ERBIN: variants seen among roughly 807,000 people sequenced by gnomAD.
ERBIN encodes erbb2 interacting protein.
A neutral mutation model predicts 158.4 loss-of-function variants in ERBIN; 60 were observed. The ratio of observed to expected loss-of-function variants is 0.38; its 90% CI spans 0.31 to 0.47. ERBIN has a LOEUF of 0.47. Among genes scored for constraint, ERBIN ranks in the 20% least tolerant of loss-of-function variants. The pLI, the probability that ERBIN is intolerant of heterozygous loss-of-function variation, is 0.99. For missense variants in ERBIN, 1,610 were observed against 1,648.0 expected (o/e 0.98, Z 0.40); for synonymous variants, 594 against 557.2 (o/e 1.07, Z -0.93).
intron 7 of ERBIN, among the ~76,000 whole-genome samples, chr5:66,015,818 AGAGT>A (rs1754656148): frequency 6.6e-6 from 1 of 152,196 alleles, no homozygotes; most frequent in South Asian, 2.1e-4. Context: ...GCATAAGAAC[AGAGT>A]GAGACCCTGG....
chr5:66,013,471 T>G (rs927964999), intron 5 of ERBIN, 78 bp from the exon 6 acceptor site: 1 of 1,022,228 alleles, frequency 9.8e-7, no homozygotes, highest in African/African-American at 1.6e-5. Context: ...TGGGAAAATA[T>G]CTTGTGAGAG....
At chr5:66,058,851 T>C (rs536830824) in intron 21 of ERBIN, among the ~76,000 whole-genome samples, 1 of 152,156 alleles carries the variant, frequency 6.6e-6, no homozygotes, top group African/African-American at 2.4e-5. Flanking sequence ...GTTGTAGATA[T>C]GCGGCATTAT....
At chr5:65,932,984 G>T (rs773595531) in intron 1 of ERBIN, among the ~76,000 whole-genome samples, 1 of 152,076 alleles carries the variant, frequency 6.6e-6, no homozygotes, top group African/African-American at 2.4e-5. Flanking sequence ...GTAGAGATGG[G>T]TTCTTGCTCT....
chr5:65,933,993 T>A (rs1442077011), intron 1 of ERBIN, among the ~76,000 whole-genome samples: 1 of 152,162 alleles, frequency 6.6e-6, no homozygotes, highest in Non-Finnish European at 1.5e-5. Flanking sequence ...CCTCCTGGAT[T>A]CACGCCAGTT....
At chr5:66,024,025 A>G (rs10066817) in intron 9 of ERBIN, among the ~76,000 whole-genome samples, 111,612 of 152,004 alleles carry the variant, frequency 0.73, 42,732 homozygotes, top group Non-Finnish European at 0.86. Flanking sequence ...CATAAAAAAA[A>G]CCACAAGAAT....
At chr5:65,977,193 G>A (rs1461550514) in intron 1 of ERBIN, among the ~76,000 whole-genome samples, 2 of 146,720 alleles carry the variant, frequency 1.4e-5, no homozygotes, top group African/African-American at 2.6e-5. Context: ...CCGGGCGGGG[G>A]GCTGACCCCC....
chr5:65,959,993 A>G (rs965230825), intron 1 of ERBIN, among the ~76,000 whole-genome samples: 11 of 152,246 alleles, frequency 7.2e-5, no homozygotes, highest in African/African-American at 2.2e-4. Flanking sequence ...TTCCACTCCT[A>G]GGTATTTGCC....
chr5:66,007,174 T>C (rs1485353036), intron 4 of ERBIN, among the ~76,000 whole-genome samples: 1 of 151,036 alleles, frequency 6.6e-6, no homozygotes, highest in Non-Finnish European at 1.5e-5. Flanking sequence ...ATTAAGAAAA[T>C]GTGGCACATA....
At chr5:66,031,884 A>T (rs947978767) in intron 14 of ERBIN, among the ~76,000 whole-genome samples, 8 of 152,154 alleles carry the variant, frequency 5.3e-5, no homozygotes, top group African/African-American at 1.9e-4. Flanking sequence ...TCTATTTTTT[A>T]CCCCTTAAGG....
rs1445286787 is a variant in ERBIN, at chr5:66,050,449, T to G, written c.1904-334T>G. On this transcript the variant is annotated intron_variant, in intron 19 of 25. Transcript: ENST00000284037. ...TTTAGTAGAGACGGGGTTTCACCGT[T>G]TTAGCCGGGATGGCCTCGATCTCCT... Among the ~76,000 whole-genome samples the G allele has an allele frequency of 6.1e-5, 3 of 49,064 alleles. 1 individual carries two copies. Among genetic ancestry groups the G allele is most frequent in the Admixed American group, 1.4e-4 (1 of 7,052 alleles). 32.2% of individuals were successfully genotyped at this position (49,064 alleles called of 152,430 possible). A position where few individuals can be genotyped will look rare whatever the true frequency, so the allele number is the denominator to read the frequency against.
intron 17 of ERBIN, among the ~76,000 whole-genome samples, 198 bp from the exon 18 acceptor site, chr5:66,046,155 C>A (rs1349498405): frequency 6.6e-6 from 1 of 152,140 alleles, no homozygotes; most frequent in Non-Finnish European, 1.5e-5. Flanking sequence ...TAATGTGGCT[C>A]ATGGATCTTT....
intron 2 of ERBIN, among the ~76,000 whole-genome samples, chr5:65,991,265 C>T (rs1463826912): frequency 6.6e-6 from 1 of 152,104 alleles, no homozygotes; most frequent in African/African-American, 2.4e-5. Flanking sequence ...GATTCTTTTT[C>T]AGTAATCTGT....
intron 1 of ERBIN, among the ~76,000 whole-genome samples, chr5:65,980,767 G>T (rs1451254232): frequency 1.3e-5 from 2 of 151,402 alleles, no homozygotes; most frequent in Admixed American, 1.3e-4. Flanking sequence ...TCACCAAGAA[G>T]ATATGAGCCC....
rs374008195 is a variant in ERBIN, at chr5:66,043,141, G to C, written c.1371G>C (p.Arg457=). 38 of 1,613,140 alleles carry C rather than the reference G, an allele frequency of 2.4e-5. No homozygotes were observed. In the African/African-American group the frequency reaches 4.8e-4, roughly 20 times the overall value. ...TGTGGGAGGAACAGAGGAAACAGCG[G>C]GCTCAAGTTGCATTTGAATGTGATG... ...PSLWEEQRKQ[R]AQVAFECDED... is the part of the protein sequence containing the mutation. The change falls in exon 16 of 26, where the codon CGG becomes CGC. Residue 457 remains arginine, a synonymous_variant. Transcript: ENST00000284037.
chr5:66,076,398 C>A lies in ERBIN; in HGVS notation c.4046C>A (p.Pro1349His). 2.5e-6 allele frequency: 4 copies of A among 1,608,876 alleles called. No individual in the cohort carries two copies. Among genetic ancestry groups the A allele is most frequent in the Non-Finnish European group, 3.4e-6 (4 of 1,177,970 alleles). ...GVGGRGNPFR[P>H]DDDGIFVTRV... Reference sequence around the variant, plus strand: ...GGGGGTAGAGGAAACCCATTCAGACCTGATGATGATGTAAGTTTTCTTTGT... The same window carrying A: ...GGGGGTAGAGGAAACCCATTCAGACATGATGATGATGTAAGTTTTCTTTGT... The change falls in exon 24 of 26, where the codon CCT (proline) becomes CAT (histidine). Residue 1349 changes from proline (P) to histidine (H), a missense_variant. By Grantham distance (77) the Pro-to-His change is moderately conservative. Transcript: ENST00000284037.
At chr5:66,048,492 T>TA (rs1387453552) in intron 18 of ERBIN, among the ~76,000 whole-genome samples, 175 bp from the exon 19 acceptor site, 3 of 151,970 alleles carry the variant, frequency 2.0e-5, no homozygotes, top group Non-Finnish European at 4.4e-5. Context: ...AGGATAGAGG[T>TA]ACAAATTGTA....
At chr5:66,067,233 A>T (rs895483395) in intron 21 of ERBIN, among the ~76,000 whole-genome samples, 3 of 152,208 alleles carry the variant, frequency 2.0e-5, no homozygotes, top group African/African-American at 7.2e-5. Flanking sequence ...TTTAGATTTC[A>T]CAGAATAACT....
chr5:65,941,205 T>G (rs978208456), intron 1 of ERBIN, among the ~76,000 whole-genome samples: 10 of 151,700 alleles, frequency 6.6e-5, no homozygotes, highest in Admixed American at 2.6e-4. Flanking sequence ...CCTCTGCATA[T>G]GAAAACCAGA....
At chr5:66,021,224 ATAAT>A (rs1755647384) in intron 7 of ERBIN, 94 bp from the exon 8 acceptor site, 2 of 630,126 alleles carry the variant, frequency 3.2e-6, no homozygotes, top group Non-Finnish European at 5.3e-6. Context: ...AAGCCCATAA[ATAAT>A]TACCTATTCC....
Sources: allele counts gnomAD v4.1 joint callset (sites outside exome capture counted in the v4.1 genomes callset), GRCh38; gene constraint gnomAD v4.1.1; transcripts MANE v1.5; gene names NCBI Gene and HGNC (gene_info 2026-07-23, HGNC 2026-07-21).